The following SLIT2 variants were observed in gnomAD, a reference collection of about 807,000 sequenced individuals.
The protein encoded by SLIT2 is slit homolog 2 protein.
A neutral mutation model predicts 185.7 loss-of-function variants in SLIT2; 41 were observed. The ratio of observed to expected loss-of-function variants is 0.22; its 90% CI spans 0.17 to 0.29. SLIT2 has a LOEUF of 0.29. Ranked by LOEUF, SLIT2 falls within the 10% of genes least tolerant of loss-of-function variation. SLIT2 has a pLI of 1.00. For missense variants in SLIT2, 1,571 were observed against 1,909.0 expected (o/e 0.82, Z 3.30); for synonymous variants, 693 against 680.2 (o/e 1.02, Z -0.29).
intron 4 of SLIT2, among the ~76,000 whole-genome samples, chr4:20,280,348 AAAAG>A (rs1433018991): frequency 2.0e-5 from 3 of 151,540 alleles, no homozygotes; most frequent in Non-Finnish European, 2.9e-5. Flanking sequence ...AAAAAAAAAA[AAAAG>A]AACAACAACA....
chr4:20,524,529 A>C (rs1376909527), intron 14 of SLIT2, among the ~76,000 whole-genome samples: 1 of 152,172 alleles, frequency 6.6e-6, no homozygotes, highest in Non-Finnish European at 1.5e-5. Flanking sequence ...GACCAGCCTC[A>C]AGTAATTAAC....
intron 4 of SLIT2, among the ~76,000 whole-genome samples, chr4:20,384,061 A>C (rs1185872955): frequency 2.6e-4 from 39 of 151,222 alleles, no homozygotes; most frequent in Admixed American, 2.3e-3. Flanking sequence ...ATTCACACCA[A>C]GGCTTATATG....
At chr4:20,394,543 C>T (rs921522197) in intron 4 of SLIT2, 1 of 151,842 alleles carries the variant, frequency 6.6e-6, no homozygotes, top group Non-Finnish European at 1.5e-5. Context: ...CAACTCTGCA[C>T]TGTATCCTGC....
At chr4:20,418,302 G>T (rs1047490557) in intron 4 of SLIT2, among the ~76,000 whole-genome samples, 1 of 152,116 alleles carries the variant, frequency 6.6e-6, no homozygotes, top group African/African-American at 2.4e-5. Flanking sequence ...CTAGAGACAA[G>T]GATTCAAAAT....
chr4:20,517,441 T>C (rs1278197246), intron 11 of SLIT2, among the ~76,000 whole-genome samples: 2 of 149,436 alleles, frequency 1.3e-5, no homozygotes, highest in African/African-American at 5.1e-5. Flanking sequence ...TAATGCCCTC[T>C]CTTCTCTTAA....
chr4:20,306,739 C>T (rs1237109357), intron 4 of SLIT2, among the ~76,000 whole-genome samples: 2 of 151,962 alleles, frequency 1.3e-5, no homozygotes, highest in African/African-American at 2.4e-5. Context: ...TTAGGATTTC[C>T]TTTCTTGTAT....
chr4:20,400,150 T>A (rs1298119147), intron 4 of SLIT2, among the ~76,000 whole-genome samples: 4 of 151,832 alleles, frequency 2.6e-5, no homozygotes, highest in African/African-American at 9.7e-5. Flanking sequence ...CTTTCTACTT[T>A]ATTGTGTGAA....
rs1715636249 is a variant in SLIT2, at chr4:20,472,610, CTATATATATCGATATAT to C, written c.467+4788_467+4804del. Among the ~76,000 whole-genome samples, 2 of 69,006 alleles carry C rather than the reference CTATATATATCGATATAT, an allele frequency of 2.9e-5. 1 individual carries two copies. The highest frequency in any genetic ancestry group is 1.1e-4 in the African/African-American group (2 of 18,782). 45.3% of individuals were successfully genotyped at this position (69,006 alleles called of 152,430 possible). Reference sequence around the variant, plus strand: ...TATAGATATATATCTATAGATATATCTATATATATCGATATATCTATATATATCGATATATATATTTA... The same window carrying C: ...TATAGATATATATCTATAGATATATCCTATATATATCGATATATATATTTA... On this transcript the variant is annotated intron_variant, in intron 5 of 36. Transcript: ENST00000504154.
chr4:20,620,170 T>C lies in SLIT2; in HGVS notation c.*1161T>C, dbSNP rs1193012628. The C allele has an allele frequency of 3.3e-6, 1 of 303,218 alleles. No homozygotes were observed. Among genetic ancestry groups the C allele is most frequent in the Non-Finnish European group, 6.4e-6 (1 of 157,034 alleles). 18.8% of individuals were successfully genotyped at this position (303,218 alleles called of 1,614,324 possible). A position where few individuals can be genotyped will look rare whatever the true frequency, so the allele number is the denominator to read the frequency against. ...CGAAATGGTGTGTAGCAATCAACAC[T>C]AGAAAGTAGACCTTTTGCAAATTAA... On this transcript the variant is annotated 3_prime_UTR_variant, in exon 37 of 37. Transcript: ENST00000504154.
At chr4:20,477,050 C>T (rs984536242) in intron 5 of SLIT2, among the ~76,000 whole-genome samples, 1 of 151,498 alleles carries the variant, frequency 6.6e-6, no homozygotes, top group Non-Finnish European at 1.5e-5. Context: ...ATATGGAGCC[C>T]ATCGACACAC....
At chr4:20,418,299 C>G (rs929007058) in intron 4 of SLIT2, among the ~76,000 whole-genome samples, 9 of 151,982 alleles carry the variant, frequency 5.9e-5, no homozygotes, top group African/African-American at 2.2e-4. Context: ...GGACTAGAGA[C>G]AAGGATTCAA....
chr4:20,472,391 T>TATCTATATCTATATATATAG (rs1715357626), intron 5 of SLIT2, among the ~76,000 whole-genome samples: 1 of 82,584 alleles, frequency 1.2e-5, no homozygotes, highest in African/African-American at 5.1e-5. Context: ...TATATGTAGA[T>TATCTATATCTATATATATAG]ATATAGATAT....
chr4:20,390,663 T>C (rs1331868390), intron 4 of SLIT2, among the ~76,000 whole-genome samples: 1 of 151,976 alleles, frequency 6.6e-6, no homozygotes, highest in East Asian at 1.9e-4. Context: ...ATTTTAGGAT[T>C]AAAATTTATT....
chr4:20,450,741 A>ATTT, intron 4 of SLIT2, among the ~76,000 whole-genome samples: 1 of 152,204 alleles, frequency 6.6e-6, no homozygotes, highest in Admixed American at 6.5e-5. Context: ...TGCATAAGGT[A>ATTT]TTTATTCATT....
At chr4:20,480,110 G>A (rs1716540741) in intron 5 of SLIT2, among the ~76,000 whole-genome samples, 1 of 152,176 alleles carries the variant, frequency 6.6e-6, no homozygotes, top group Non-Finnish European at 1.5e-5. Flanking sequence ...GTAGGATAGT[G>A]ACACTTAATA....
intron 3 of SLIT2, among the ~76,000 whole-genome samples, chr4:20,263,454 A>ACTTTT: frequency 6.6e-6 from 1 of 151,798 alleles, no homozygotes; most frequent in Admixed American, 6.6e-5. Flanking sequence ...GTTCTAGAGT[A>ACTTTT]AAAGCACAGA....
rs1344869739 is a variant in SLIT2 at position 20,314,174 on chromosome 4, G to C, written c.395+45293G>C. On this transcript the variant is annotated intron_variant, in intron 4 of 36. Transcript: ENST00000504154. ...TGTCAGAAACAACTGACATATTCCA[G>C]CTCTCTATTTTTTGCCTGTGTTATC... Among the ~76,000 whole-genome samples, 4 of 152,126 alleles carry C rather than the reference G, an allele frequency of 2.6e-5. No homozygotes were observed. In the East Asian group the frequency reaches 7.7e-4, roughly 29 times the overall value.
intron 4 of SLIT2, among the ~76,000 whole-genome samples, chr4:20,376,953 A>G (rs978610578): frequency 6.6e-6 from 1 of 152,106 alleles, no homozygotes; most frequent in African/African-American, 2.4e-5. Flanking sequence ...GCAAACCAAC[A>G]TGGCACATAT....
chr4:20,523,694 C>T, intron 12 of SLIT2, 66 bp from the exon 13 acceptor site: 1 of 1,412,578 alleles, frequency 7.1e-7, no homozygotes, highest in African/African-American at 1.4e-5. Flanking sequence ...CCTTAAAAAG[C>T]ACAAAATCTT....
Sources: gnomAD v4.1 joint callset for allele counts (sites outside exome capture counted in the v4.1 genomes callset) on GRCh38, gnomAD v4.1.1 for gene constraint, MANE v1.5 for transcripts, NCBI Gene and HGNC (gene_info 2026-07-23, HGNC 2026-07-21) for gene names.